MEP1B: variants seen among roughly 807,000 people sequenced by gnomAD.
The protein encoded by MEP1B is meprin A subunit beta.
A neutral mutation model predicts 84.6 loss-of-function variants in MEP1B; 80 were observed. The ratio of observed to expected loss-of-function variants is 0.95; its 90% CI spans 0.79 to 1.14. The LOEUF is 1.14. MEP1B is among the 50% of genes most tolerant of loss of function. The pLI is 0.00. For missense variants in MEP1B, 766 were observed against 855.1 expected (o/e 0.90, Z 1.30); for synonymous variants, 273 against 288.1 (o/e 0.95, Z 0.53).
chr18:32,217,785 G>A lies in MEP1B; in HGVS notation c.1911G>A (p.Trp637Ter). The change falls in exon 14 of 15, where the codon TGG becomes TGA. Residue 637 changes from tryptophan to a stop codon, truncating the protein, a stop_gained. Coordinates refer to ENST00000269202, the MANE Select transcript of MEP1B (RefSeq NM_005925.3). LOFTEE classifies it high-confidence loss of function. ...ECRCQSGEDW[W>*]YMGERCEKRG... ...GGTGCCAGTCAGGGGAAGACTGGTG[G>A]TACATGGGAGAAAGGTGTGAAAAGA... 3.7e-6 allele frequency: 6 copies of A among 1,613,794 alleles called. No homozygotes were observed. The highest frequency in any genetic ancestry group is 1.3e-5 in the African/African-American group (1 of 75,010).
intron 10 of MEP1B, 86 bp from the exon 11 acceptor site, chr18:32,213,030 T>G: frequency 7.7e-7 from 1 of 1,304,676 alleles, no homozygotes; most frequent in Non-Finnish European, 1.1e-6. Flanking sequence ...TGGATGACCC[T>G]TTGTCTAAGA....
chr18:32,215,900 A>G (rs1324184771), intron 12 of MEP1B, among the ~76,000 whole-genome samples: 2 of 151,128 alleles, frequency 1.3e-5, no homozygotes, highest in African/African-American at 2.4e-5. Flanking sequence ...ACACAAGCAC[A>G]TGAAATTAAA....
At chr18:32,203,725 G>A (rs1248639433) in intron 6 of MEP1B, among the ~76,000 whole-genome samples, 1 of 152,170 alleles carries the variant, frequency 6.6e-6, no homozygotes, top group Non-Finnish European at 1.5e-5. Context: ...TTTATAGGAA[G>A]CATGGTGTTG....
chr18:32,216,470 C>T (rs1273813782), intron 12 of MEP1B, among the ~76,000 whole-genome samples: 1 of 152,202 alleles, frequency 6.6e-6, no homozygotes, highest in Non-Finnish European at 1.5e-5. Flanking sequence ...CTCTACCAAG[C>T]CAGAGACCTG....
In MEP1B at chr18:32,192,795, A is replaced by C. The variant is rs996663536; in HGVS notation, c.149A>C (p.Glu50Ala). ...TTAGGTTTGGGACTGGATCTTTTTG[A>C]GGGTGACATCAGACTTGATAGGGTG... is the stretch of plus-strand genomic sequence containing the variant. ...INEGLGLDLFEGDIRLDRAQI... is the reference protein window; with the variant it reads ...INEGLGLDLFAGDIRLDRAQI... Residue 50 changes from glutamate to alanine, a missense_variant, in exon 4 of 15, where the codon GAG (glutamate) becomes GCG (alanine). Coordinates refer to ENST00000269202, the MANE Select transcript of MEP1B (RefSeq NM_005925.3). 2 of 1,612,798 alleles carry C rather than the reference A, an allele frequency of 1.2e-6. No individual in the cohort carries two copies. Among genetic ancestry groups the C allele is most frequent in the Non-Finnish European group, 1.7e-6 (2 of 1,179,342 alleles).
rs1007391501 is a variant in MEP1B, at chr18:32,191,927, A to G, written c.82+87A>G. 3.9e-6 allele frequency: 3 copies of G among 773,842 alleles called. No homozygotes were observed. In the African/African-American group the frequency reaches 5.3e-5, roughly 14 times the overall value. 47.9% of individuals were successfully genotyped at this position (773,842 alleles called of 1,614,324 possible). On this transcript the variant is annotated intron_variant, in intron 2 of 14. Transcript: ENST00000269202. ...CATCATACATAATTACATATGCATAATTGATGCATAATTGCATTGAACTTT... is the reference window on the plus strand; with the variant it reads ...CATCATACATAATTACATATGCATAGTTGATGCATAATTGCATTGAACTTT...
chr18:32,207,496 C>T (rs757480702), intron 8 of MEP1B, 26 bp downstream of exon 8: 2 of 1,501,744 alleles, frequency 1.3e-6, no homozygotes, highest in South Asian at 1.2e-5. Context: ...TTTGAAATGA[C>T]TTATATTTTC....
At chr18:32,216,904 G>A in intron 12 of MEP1B, 87 bp from the exon 13 acceptor site, 31 of 1,365,676 alleles carry the variant, frequency 2.3e-5, no homozygotes, top group African/African-American at 4.5e-5. Flanking sequence ...AAGGAAAAAA[G>A]AAACATTAAA....
At chr18:32,194,984 T>C (rs1187633119) in intron 4 of MEP1B, among the ~76,000 whole-genome samples, 5 of 152,214 alleles carry the variant, frequency 3.3e-5, no homozygotes, top group Admixed American at 3.3e-4. Context: ...TATTATACAG[T>C]TTAAAATCCT....
intron 5 of MEP1B, among the ~76,000 whole-genome samples, chr18:32,201,012 C>G (rs111620487): frequency 2.0e-4 from 30 of 152,028 alleles, no homozygotes; most frequent in African/African-American, 7.0e-4. Context: ...TTAACTAAGG[C>G]CCTCAGTAAA....
intron 5 of MEP1B, among the ~76,000 whole-genome samples, chr18:32,199,228 A>G (rs1408190692): frequency 6.6e-6 from 1 of 152,228 alleles, no homozygotes; most frequent in Admixed American, 6.5e-5. Context: ...AGGATGTAAG[A>G]GATGGTTGAA....
intron 7 of MEP1B, among the ~76,000 whole-genome samples, chr18:32,206,956 G>T (rs1342460742): frequency 6.6e-6 from 1 of 152,160 alleles, no homozygotes; most frequent in Non-Finnish European, 1.5e-5. Flanking sequence ...GCCCAGGCTG[G>T]TTAGCAGCAC....
chr18:32,196,874 GCGGGC>G lies in MEP1B; in HGVS notation c.250+1390_250+1394del. On this transcript the variant is annotated intron_variant, in intron 5 of 14. Coordinates refer to ENST00000269202, the MANE Select transcript of MEP1B (RefSeq NM_005925.3). The surrounding 1 kb of genome is among the most constrained non-coding windows in gnomAD (Gnocchi z 4.4). The stretch of plus-strand genomic sequence containing the variant: ...CGTACTTGCCCATGATGTAGTGGAG[GCGGGC>G]AAGGAGGCGCAGGCAGGCTCAGATC... 2.0e-6 allele frequency: 1 copy of G among 496,628 alleles called. No individual in the cohort carries two copies. Among genetic ancestry groups the G allele is most frequent in the Non-Finnish European group, 3.8e-6 (1 of 265,284 alleles). 30.8% of individuals were successfully genotyped at this position (496,628 alleles called of 1,614,324 possible).
At chr18:32,203,697 G>A (rs2040935213) in intron 6 of MEP1B, among the ~76,000 whole-genome samples, 1 of 151,982 alleles carries the variant, frequency 6.6e-6, no homozygotes, top group Non-Finnish European at 1.5e-5. Flanking sequence ...GGTTTAACTG[G>A]CTTTCAGTTC....
chr18:32,220,392 GGTCAAA>G lies in MEP1B; in HGVS notation c.*154_*159del, dbSNP rs2041139260. The G allele has an allele frequency of 5.3e-6, 4 of 761,160 alleles. No individual in the cohort carries two copies. The South Asian group carries it at 5.7e-5, about 11-fold the overall frequency. 47.2% of individuals were successfully genotyped at this position (761,160 alleles called of 1,614,324 possible). ...TGGAAATATTATAAATCACTATTTT[GGTCAAA>G]GTCAAATTGGTGAAATGCTGTTTGT... is the stretch of plus-strand genomic sequence containing the variant. On this transcript the variant is annotated 3_prime_UTR_variant, in exon 15 of 15. Coordinates refer to ENST00000269202, the MANE Select transcript of MEP1B (RefSeq NM_005925.3).
In MEP1B at chr18:32,196,032, C is replaced by T. The variant is rs541933498; in HGVS notation, c.250+547C>T. On this transcript the variant is annotated intron_variant, in intron 5 of 14. Coordinates refer to ENST00000269202, the MANE Select transcript of MEP1B (RefSeq NM_005925.3). The surrounding 1 kb of genome is among the most constrained non-coding windows in gnomAD (Gnocchi z 4.4). ...ATCTGCCTGTCCCTCTCTATCCCTG[C>T]AAGTTCGGGGAAGAAGGGTCATTGG... 2.2e-4 allele frequency: 85 copies of T among 391,382 alleles called. 1 individual carries two copies. The highest frequency in any genetic ancestry group is 1.8e-3 in the Admixed American group (47 of 26,270). 24.2% of individuals were successfully genotyped at this position (391,382 alleles called of 1,614,324 possible).
At position 32,217,966 on chromosome 18, in the gene MEP1B, G is replaced by T. The variant is rs187452324; in HGVS notation, c.2091+1G>T. On this transcript the variant is annotated splice_donor_variant, in intron 14 of 14. Transcript: ENST00000269202. LOFTEE classifies it high-confidence loss of function. ...TCGACCAAATTTGACTCCGCAAAAT[G>T]TAAGTTGAGGCTGATGTTTGATTAT... 1 of 1,613,372 alleles carries T rather than the reference G, an allele frequency of 6.2e-7. No homozygotes were observed. The highest frequency in any genetic ancestry group is 1.3e-5 in the African/African-American group (1 of 74,928).
chr18:32,211,038 C>T (rs185238119), intron 10 of MEP1B, among the ~76,000 whole-genome samples: 2 of 152,042 alleles, frequency 1.3e-5, no homozygotes, highest in African/African-American at 4.8e-5. Flanking sequence ...CCGAGGCGGT[C>T]GGATCACCTG....
chr18:32,201,956 G>C (rs1478861224), intron 5 of MEP1B, among the ~76,000 whole-genome samples: 1 of 152,146 alleles, frequency 6.6e-6, no homozygotes, highest in Non-Finnish European at 1.5e-5. Flanking sequence ...AATTTTACTT[G>C]GAACTTCACC....
Sources: gnomAD v4.1 joint callset for allele counts (sites outside exome capture counted in the v4.1 genomes callset) on GRCh38, gnomAD v4.1.1 for gene constraint, Gnocchi (gnomAD v3.1) non-coding constraint, MANE v1.5 for transcripts, NCBI Gene and HGNC (gene_info 2026-07-23, HGNC 2026-07-21) for gene names.